Variants in CASR observed in about 807,000 individuals in gnomAD.
CASR encodes the protein calcium sensing receptor.
Under a neutral mutation model 69.1 loss-of-function variants are expected in CASR, and 23 were observed. The ratio of observed to expected loss-of-function variants is 0.33; its 90% CI spans 0.24 to 0.47. The LOEUF (loss-of-function observed/expected upper bound fraction) is 0.47, where lower values mean the gene tolerates loss of function less well. Among genes scored for constraint, CASR ranks in the 20% least tolerant of loss-of-function variants. CASR has a pLI of 1.00. For missense variants in CASR, 924 were observed against 1,356.1 expected (o/e 0.68, Z 5.00); for synonymous variants, 541 against 544.7 (o/e 0.99, Z 0.10).
chr3:122,260,135 C>T (rs1033967278), intron 3 of CASR, among the ~76,000 whole-genome samples: 1 of 152,150 alleles, frequency 6.6e-6, no homozygotes, highest in Non-Finnish European at 1.5e-5. Flanking sequence ...TGAAGCCGGC[C>T]TCATCAAAGA....
At chr3:122,251,621 A>C (rs771535603) in intron 1 of CASR, among the ~76,000 whole-genome samples, 1 of 152,226 alleles carries the variant, frequency 6.6e-6, no homozygotes, top group South Asian at 2.1e-4. Flanking sequence ...GGGGAACAGC[A>C]AGTGTGAGAT....
chr3:122,268,682 C>T (rs546343898), intron 4 of CASR, among the ~76,000 whole-genome samples: 27 of 152,310 alleles, frequency 1.8e-4, no homozygotes, highest in African/African-American at 6.3e-4. Flanking sequence ...ACAGTGCCTG[C>T]TTGGCCAGTA....
At chr3:122,201,140 C>A (rs7617900) in intron 1 of CASR, among the ~76,000 whole-genome samples, 26,507 of 151,854 alleles carry the variant, frequency 0.17, 2,399 homozygotes, top group African/African-American at 0.21. Context: ...AGGCAGAGGA[C>A]CCTGCGGCCT....
chr3:122,260,988 G>A (rs756200339), intron 3 of CASR, among the ~76,000 whole-genome samples: 9 of 152,174 alleles, frequency 5.9e-5, no homozygotes, highest in Non-Finnish European at 8.8e-5. Context: ...GGAATTCCCG[G>A]GGACTCCTCT....
chr3:122,224,442 A>C (rs746148432), intron 1 of CASR, among the ~76,000 whole-genome samples: 7 of 152,210 alleles, frequency 4.6e-5, no homozygotes, highest in Non-Finnish European at 8.8e-5. Flanking sequence ...TCCACGTACA[A>C]TAGCCGCAAA....
At chr3:122,216,999 C>T (rs3845918) in intron 1 of CASR, among the ~76,000 whole-genome samples, 36,613 of 152,222 alleles carry the variant, frequency 0.24, 5,434 homozygotes, top group Admixed American at 0.43. Context: ...ACACAGACCT[C>T]ATCCACGTGG....
At chr3:122,204,452 C>T (rs147992463) in intron 1 of CASR, among the ~76,000 whole-genome samples, 395 of 152,206 alleles carry the variant, frequency 2.6e-3, no homozygotes, top group African/African-American at 8.9e-3. Flanking sequence ...TGCGGACAGG[C>T]CCCATATTTT....
rs201634638 is a variant in CASR, at chr3:122,285,236, T to C, written c.*45T>C. ...GCTAGGGAGAATGCAGAGAGGTTTC[T>C]TGGGGTCCCAGGGAAGAGGAATCGC... On this transcript the variant is annotated 3_prime_UTR_variant, in exon 7 of 7. Coordinates refer to ENST00000639785, the MANE Select transcript of CASR (RefSeq NM_000388.4). The C allele has an allele frequency of 3.8e-6, 6 of 1,587,854 alleles. No individual in the cohort carries two copies. The African/African-American group carries it at 6.7e-5, about 18-fold the overall frequency.
intron 1 of CASR, among the ~76,000 whole-genome samples, chr3:122,185,920 G>A (rs965126967): frequency 1.1e-4 from 16 of 152,214 alleles, no homozygotes; most frequent in African/African-American, 3.9e-4. Flanking sequence ...CAAGCACAGA[G>A]CCCTGTCATT....
chr3:122,226,672 A>G (rs1232873371), intron 1 of CASR, among the ~76,000 whole-genome samples: 1 of 152,170 alleles, frequency 6.6e-6, no homozygotes, highest in South Asian at 2.1e-4. Flanking sequence ...CAGAGTGTCA[A>G]TTGGTGTATT....
intron 1 of CASR, among the ~76,000 whole-genome samples, chr3:122,217,849 G>A (rs1037306474): frequency 2.0e-5 from 3 of 152,036 alleles, no homozygotes; most frequent in Admixed American, 6.6e-5. Context: ...ATTATTTTTG[G>A]TGTTATTAAT....
intron 1 of CASR, among the ~76,000 whole-genome samples, chr3:122,225,021 A>G (rs555331140): frequency 6.6e-6 from 1 of 152,310 alleles, no homozygotes; most frequent in East Asian, 1.9e-4. Flanking sequence ...CATAGGCAGA[A>G]GATTGAAACT....
chr3:122,205,743 TTTTATCAGTG>T (rs199689292), intron 1 of CASR, among the ~76,000 whole-genome samples: 363 of 152,118 alleles, frequency 2.4e-3, no homozygotes, highest in African/African-American at 8.2e-3. Context: ...CTTCAATTTC[TTTTATCAGTG>T]TTTTATAGCT....
intron 4 of CASR, among the ~76,000 whole-genome samples, chr3:122,275,487 C>T (rs1237674101): frequency 6.6e-6 from 1 of 152,252 alleles, no homozygotes; most frequent in African/African-American, 2.4e-5. Context: ...TCCTGGGGCA[C>T]CACCAGGTGA....
At chr3:122,219,930 G>A (rs950971673) in intron 1 of CASR, among the ~76,000 whole-genome samples, 5 of 152,294 alleles carry the variant, frequency 3.3e-5, no homozygotes, top group East Asian at 1.9e-4. Context: ...CTATTTCTCT[G>A]CCATTTCAAC....
chr3:122,197,855 G>A (rs982532195), intron 1 of CASR, among the ~76,000 whole-genome samples: 1 of 151,868 alleles, frequency 6.6e-6, no homozygotes, highest in African/African-American at 2.4e-5. Flanking sequence ...TTCATTCCTC[G>A]CCTATAAAGT....
In CASR at chr3:122,261,507, C is replaced by T. The variant is rs760336189; in HGVS notation, c.493-21C>T. On this transcript the variant is annotated intron_variant, in intron 3 of 6. Coordinates refer to ENST00000639785, the MANE Select transcript of CASR (RefSeq NM_000388.4). Reference sequence around the variant, plus strand: ...TTCACTCACTCACTCACTCATTCACCATGTTCTTGGTTCTCTCCAGGTCAG... The same window carrying T: ...TTCACTCACTCACTCACTCATTCACTATGTTCTTGGTTCTCTCCAGGTCAG... 4.3e-6 allele frequency: 7 copies of T among 1,612,720 alleles called. No individual in the cohort carries two copies. The South Asian group carries it at 5.5e-5, about 13-fold the overall frequency.
intron 1 of CASR, among the ~76,000 whole-genome samples, chr3:122,237,082 A>G (rs1180480741): frequency 6.7e-6 from 1 of 150,332 alleles, no homozygotes; most frequent in Non-Finnish European, 1.5e-5. Context: ...AAATTTGTAG[A>G]GATGCTAATT....
intron 1 of CASR, among the ~76,000 whole-genome samples, chr3:122,237,649 A>G (rs1307192146): frequency 6.6e-6 from 1 of 152,276 alleles, no homozygotes; most frequent in Admixed American, 6.5e-5. Context: ...TCAGAAGATT[A>G]CATATAGTAT....
Sources: allele counts gnomAD v4.1 joint callset (sites outside exome capture counted in the v4.1 genomes callset), GRCh38; gene constraint gnomAD v4.1.1; transcripts MANE v1.5; gene names NCBI Gene and HGNC (gene_info 2026-07-23, HGNC 2026-07-21).